Variants in PPFIA2 observed in about 807,000 individuals in gnomAD.
The protein encoded by PPFIA2 is PPFI scaffold protein A2.
In PPFIA2, 46 loss-of-function variants were observed where a neutral mutation model predicts 175.5. The ratio of observed to expected loss-of-function variants is 0.26; its 90% CI spans 0.21 to 0.34. PPFIA2 has a LOEUF of 0.34. Among genes scored for constraint, PPFIA2 ranks in the 10% least tolerant of loss-of-function variants. The pLI, the probability that PPFIA2 is intolerant of heterozygous loss-of-function variation, is 1.00. For missense variants in PPFIA2, 1,179 were observed against 1,506.1 expected (o/e 0.78, Z 3.60); for synonymous variants, 568 against 511.4 (o/e 1.11, Z -1.49).
At chr12:81,721,675 T>A (rs888043934) in intron 3 of PPFIA2, among the ~76,000 whole-genome samples, 16 of 151,182 alleles carry the variant, frequency 1.1e-4, no homozygotes, top group African/African-American at 3.9e-4. Flanking sequence ...ATGAGAAAAA[T>A]ATTATTTTTA....
chr12:81,677,878 A>G (rs1244429149), intron 3 of PPFIA2, among the ~76,000 whole-genome samples: 1 of 151,902 alleles, frequency 6.6e-6, no homozygotes, highest in Non-Finnish European at 1.5e-5. Context: ...CAGCCCTATC[A>G]GTTCTAAGGC....
intron 4 of PPFIA2, among the ~76,000 whole-genome samples, chr12:81,510,967 C>T (rs1208001606): frequency 6.6e-6 from 1 of 152,036 alleles, no homozygotes; most frequent in Non-Finnish European, 1.5e-5. Context: ...CCTTGTTTTT[C>T]ATCTTTATCC....
At chr12:81,724,936 A>T (rs1044476861) in intron 3 of PPFIA2, among the ~76,000 whole-genome samples, 1 of 151,106 alleles carries the variant, frequency 6.6e-6, no homozygotes, top group Non-Finnish European at 1.5e-5. Flanking sequence ...ACTAATTTAC[A>T]TTCCCATGAA....
At chr12:81,523,449 A>C (rs1325540949) in intron 4 of PPFIA2, among the ~76,000 whole-genome samples, 1 of 152,200 alleles carries the variant, frequency 6.6e-6, no homozygotes, top group Non-Finnish European at 1.5e-5. Flanking sequence ...AATGTTCTTT[A>C]CTGTCTACCT....
chr12:81,699,721 T>C (rs2076286646), intron 3 of PPFIA2, among the ~76,000 whole-genome samples: 1 of 152,000 alleles, frequency 6.6e-6, no homozygotes, highest in East Asian at 1.9e-4. Flanking sequence ...CATATAATAT[T>C]AAGCAATTTC....
rs1594121989 is a variant in PPFIA2, at chr12:81,294,477, GGAAGGAAGGAAA to G, written c.2925+346_2925+357del. On this transcript the variant is annotated intron_variant, in intron 24 of 32. Transcript: ENST00000549396. Reference sequence around the variant, plus strand: ...AGGAAGGAAGGAAGGAAGGAAGGAAGGAAGGAAGGAAAGAAGGAAGGAAGGGAGGGAGGAAGG... The same window carrying G: ...AGGAAGGAAGGAAGGAAGGAAGGAAGGAAGGAAGGAAGGGAGGGAGGAAGG... The G allele has an allele frequency of 3.8e-5, 7 of 182,530 alleles. No homozygotes were observed. In the South Asian group the frequency reaches 6.4e-4, roughly 17 times the overall value. The allele number at this position is 182,530 out of a possible 1,614,324, so 11.3% of individuals were successfully genotyped here.
intron 4 of PPFIA2, among the ~76,000 whole-genome samples, chr12:81,491,631 A>G (rs774246031): frequency 6.6e-6 from 1 of 151,904 alleles, no homozygotes; most frequent in Non-Finnish European, 1.5e-5. Context: ...GTGAGGATAC[A>G]ATAGGAAGCA....
At chr12:81,715,676 G>T (rs930892084) in intron 3 of PPFIA2, among the ~76,000 whole-genome samples, 5 of 151,692 alleles carry the variant, frequency 3.3e-5, no homozygotes, top group African/African-American at 1.2e-4. Context: ...ATTTTAGAAT[G>T]TTTTGCAAGC....
chr12:81,554,683 A>G (rs543894355), intron 4 of PPFIA2, among the ~76,000 whole-genome samples: 1 of 152,070 alleles, frequency 6.6e-6, no homozygotes, highest in African/African-American at 2.4e-5. Context: ...TTTGAGGTGT[A>G]GTGAATAGTT....
At chr12:81,693,177 T>C (rs1450552143) in intron 3 of PPFIA2, among the ~76,000 whole-genome samples, 1 of 152,068 alleles carries the variant, frequency 6.6e-6, no homozygotes, top group African/African-American at 2.4e-5. Context: ...TTATAAAGTG[T>C]ATAAGAGATA....
At chr12:81,522,134 C>A (rs989691367) in intron 4 of PPFIA2, among the ~76,000 whole-genome samples, 1 of 152,006 alleles carries the variant, frequency 6.6e-6, no homozygotes, top group African/African-American at 2.4e-5. Context: ...AAATCTGAAA[C>A]TGGACAACAA....
intron 4 of PPFIA2, among the ~76,000 whole-genome samples, chr12:81,517,628 G>A (rs1424668206): frequency 6.6e-6 from 1 of 152,142 alleles, no homozygotes; most frequent in African/African-American, 2.4e-5. Context: ...AACACTAGTT[G>A]CAAGAGAATC....
intron 4 of PPFIA2, among the ~76,000 whole-genome samples, chr12:81,595,262 C>A (rs538123929): frequency 4.1e-5 from 6 of 146,116 alleles, no homozygotes; most frequent in African/African-American, 1.0e-4. Context: ...ATACTTTAAA[C>A]AAACATATAT....
At chr12:81,719,277 A>G (rs1259898811) in intron 3 of PPFIA2, among the ~76,000 whole-genome samples, 1 of 151,544 alleles carries the variant, frequency 6.6e-6, no homozygotes, top group East Asian at 1.9e-4. Flanking sequence ...GTTTCTAATA[A>G]TTCAAAAATA....
At chr12:81,527,908 A>C (rs917702414) in intron 4 of PPFIA2, among the ~76,000 whole-genome samples, 2 of 152,080 alleles carry the variant, frequency 1.3e-5, no homozygotes, top group Non-Finnish European at 2.9e-5. Flanking sequence ...ATCTGCTGAC[A>C]CTTTGATCTT....
chr12:81,276,756 G>A (rs2136698107), intron 28 of PPFIA2, among the ~76,000 whole-genome samples: 1 of 152,226 alleles, frequency 6.6e-6, no homozygotes, highest in South Asian at 2.1e-4. Context: ...GCACATAACA[G>A]CTGCAGCAAT....
At chr12:81,562,788 A>G (rs958429736) in intron 4 of PPFIA2, among the ~76,000 whole-genome samples, 2 of 128,666 alleles carry the variant, frequency 1.6e-5, no homozygotes, top group South Asian at 2.8e-4. Flanking sequence ...CGGAGCTTGC[A>G]GTGAGCCGAG....
intron 8 of PPFIA2, among the ~76,000 whole-genome samples, chr12:81,392,194 A>G (rs1595983028): frequency 6.6e-6 from 1 of 151,950 alleles, no homozygotes; most frequent in East Asian, 1.9e-4. Flanking sequence ...AATGGATTGA[A>G]TATGATATGG....
At chr12:81,443,032 T>C (rs929030200) in intron 6 of PPFIA2, among the ~76,000 whole-genome samples, 1 of 150,792 alleles carries the variant, frequency 6.6e-6, no homozygotes, top group Non-Finnish European at 1.5e-5. Flanking sequence ...TGAAATGCTA[T>C]TGTAAACAAG....
Sources: allele counts gnomAD v4.1 joint callset (sites outside exome capture counted in the v4.1 genomes callset), GRCh38; gene constraint gnomAD v4.1.1; transcripts MANE v1.5; gene names NCBI Gene and HGNC (gene_info 2026-07-23, HGNC 2026-07-21).